Variants in NFATC2 observed in about 807,000 individuals in gnomAD.
The protein encoded by NFATC2 is nuclear factor of activated T cells 2.
Under a neutral mutation model 87.3 loss-of-function variants are expected in NFATC2, and 22 were observed. The observed-to-expected ratio is 0.25, with a 90% CI of 0.18 to 0.36. The LOEUF is 0.36. Among genes scored for constraint, NFATC2 ranks in the 10% least tolerant of loss-of-function variants. The pLI is 1.00. For missense variants in NFATC2, 1,149 were observed against 1,259.1 expected (o/e 0.91, Z 1.32); for synonymous variants, 565 against 542.2 (o/e 1.04, Z -0.58).
chr20:51,533,379 A>C (rs2076667955), intron 1 of NFATC2, among the ~76,000 whole-genome samples: 1 of 152,236 alleles, frequency 6.6e-6, no homozygotes, highest in Non-Finnish European at 1.5e-5. Flanking sequence ...CCAGTCACAC[A>C]CATACACCAC....
chr20:51,523,873 T>G lies in NFATC2; in HGVS notation c.368A>C (p.Gln123Pro), dbSNP rs773039948. The change falls in exon 2 of 11, where the codon CAG becomes CCG. Residue 123 changes from glutamine (Q) to proline (P), a missense_variant. Physicochemically the swap from Gln to Pro is moderately conservative, Grantham distance 76. This residue lies in a region of NFATC2 where 563 missense variants were observed against 585.2 expected (regional missense o/e 0.96). Transcript: ENST00000371564. This position sits in a 1 kb window ranked among gnomAD's most constrained non-coding sequence, Gnocchi z 6.9. ...TCTCATGCGGAGGGGCCCCACTGCC[T>G]GGATCAGTTCGTGGGACGGAGTGAT... ...IEITPSHELI[Q>P]AVGPLRMRDA... 1 of 1,609,154 alleles carries G rather than the reference T, an allele frequency of 6.2e-7. No individual in the cohort carries two copies. The highest frequency in any genetic ancestry group is 1.1e-5 in the South Asian group (1 of 90,686).
chr20:51,393,932 C>T (rs1407122948), intron 10 of NFATC2, among the ~76,000 whole-genome samples: 1 of 152,140 alleles, frequency 6.6e-6, no homozygotes, highest in East Asian at 1.9e-4. Context: ...ACTTTTCAAA[C>T]AGGCAGAAGC....
intron 3 of NFATC2, among the ~76,000 whole-genome samples, chr20:51,482,166 C>T (rs1989315509): frequency 6.6e-6 from 1 of 151,904 alleles, no homozygotes; most frequent in African/African-American, 2.4e-5. Context: ...CAGGCAAATC[C>T]ACCCCACCAG....
chr20:51,553,349 G>T (rs1487200284), intron 1 of NFATC2, among the ~76,000 whole-genome samples: 1 of 152,100 alleles, frequency 6.6e-6, no homozygotes, highest in East Asian at 1.9e-4. Flanking sequence ...TTTCTAGCAC[G>T]TTCCCCTCTG....
In NFATC2 at chr20:51,479,844, C is replaced by T. The variant is rs191359027; in HGVS notation, c.1333-4184G>A. Among the ~76,000 whole-genome samples, 216 of 152,320 alleles carry T rather than the reference C, an allele frequency of 1.4e-3. 2 individuals carry two copies. Among genetic ancestry groups the T allele is most frequent in the South Asian group, 9.5e-3 (46 of 4,828 alleles). Reference sequence around the variant, plus strand: ...GCAGAGCCAGGCTCCAAACTCCAGCCTCTCAGGCTCCGAACCCACCCGCTT... The same window carrying T: ...GCAGAGCCAGGCTCCAAACTCCAGCTTCTCAGGCTCCGAACCCACCCGCTT... On this transcript the variant is annotated intron_variant, in intron 3 of 10. Transcript: ENST00000371564.
chr20:51,441,747 AT>A (rs1984380002), intron 6 of NFATC2, among the ~76,000 whole-genome samples: 1 of 151,850 alleles, frequency 6.6e-6, no homozygotes, highest in Admixed American at 6.6e-5. Flanking sequence ...TAAAGTTAAT[AT>A]TACTGAACTT....
chr20:51,525,919 A>T (rs929145040), intron 1 of NFATC2, among the ~76,000 whole-genome samples: 1 of 101,030 alleles, frequency 9.9e-6, no homozygotes, highest in Non-Finnish European at 2.0e-5. Flanking sequence ...CCGGCCTGCC[A>T]CCCACCCCCA....
chr20:51,408,846 G>C (rs1257655823), intron 9 of NFATC2, among the ~76,000 whole-genome samples: 2 of 152,184 alleles, frequency 1.3e-5, no homozygotes, highest in Non-Finnish European at 2.9e-5. Flanking sequence ...GCTTGTAAAA[G>C]CACAGACTGT....
intron 9 of NFATC2, among the ~76,000 whole-genome samples, chr20:51,427,331 G>T (rs1981987449): frequency 6.6e-6 from 1 of 152,130 alleles, no homozygotes; most frequent in Admixed American, 6.5e-5. Flanking sequence ...TCTCCCGCTT[G>T]CTTGCGTCCT....
At chr20:51,491,579 A>C (rs2075884828) in intron 3 of NFATC2, among the ~76,000 whole-genome samples, 1 of 152,158 alleles carries the variant, frequency 6.6e-6, no homozygotes, top group African/African-American at 2.4e-5. Context: ...TGGGAGGAGA[A>C]GTGCAGCGGC....
chr20:51,471,122 CA>C (rs1300815916), intron 5 of NFATC2, among the ~76,000 whole-genome samples: 9 of 152,324 alleles, frequency 5.9e-5, no homozygotes, highest in South Asian at 2.1e-4. Context: ...AGCTTTCTAA[CA>C]CCCTGAAGAT....
chr20:51,551,568 A>ATTTTT (rs528455167), intron 1 of NFATC2, among the ~76,000 whole-genome samples: 1 of 103,736 alleles, frequency 9.6e-6, no homozygotes, highest in Admixed American at 1.0e-4. Flanking sequence ...ATGCCCTGCT[A>ATTTTT]TTTTTTTTTT....
At chr20:51,417,561 AC>A (rs1036830994) in intron 9 of NFATC2, among the ~76,000 whole-genome samples, 3 of 152,106 alleles carry the variant, frequency 2.0e-5, no homozygotes, top group Non-Finnish European at 2.9e-5. Context: ...GGTCCTGACC[AC>A]CCCGTTTGAA....
At chr20:51,499,094 G>A (rs2076038164) in intron 3 of NFATC2, among the ~76,000 whole-genome samples, 1 of 152,168 alleles carries the variant, frequency 6.6e-6, no homozygotes, top group Non-Finnish European at 1.5e-5. Flanking sequence ...GGTCCACGGT[G>A]AGGAGCACAA....
Position 51,523,541 on chromosome 20 carries a change from G to C in NFATC2, c.700C>G (p.Arg234Gly), listed in dbSNP as rs1047941478. The C allele has an allele frequency of 3.7e-6, 6 of 1,613,590 alleles. No homozygotes were observed. Among genetic ancestry groups the C allele is most frequent in the Non-Finnish European group, 5.1e-6 (6 of 1,179,728 alleles). ...GCCGGACGGGGCACGGGCGAGTGGC[G>C]GCCCAGGCAGCTGTCCTCGGCGAGG... ...TSLAEDSCLG[R>G]HSPVPRPASR... Residue 234 changes from arginine to glycine, a missense_variant, in exon 2 of 11, where the codon CGC (arginine) becomes GGC (glycine). Coordinates refer to ENST00000371564, the MANE Select transcript of NFATC2 (RefSeq NM_012340.5). The surrounding 1 kb of genome is among the most constrained non-coding windows in gnomAD (Gnocchi z 6.9).
rs1341877212 is a variant in NFATC2 at position 51,480,264 on chromosome 20, G to C, written c.1333-4604C>G. On this transcript the variant is annotated intron_variant, in intron 3 of 10. Transcript: ENST00000371564. This position sits in a 1 kb window ranked among gnomAD's most constrained non-coding sequence, Gnocchi z 4.2. ...TATTGCACCACTGCACTCCCGCCTGGGTCACAAAGCAAGACTCTGTCTCAA... is the reference window on the plus strand; with the variant it reads ...TATTGCACCACTGCACTCCCGCCTGCGTCACAAAGCAAGACTCTGTCTCAA... Among the ~76,000 whole-genome samples the C allele has an allele frequency of 6.6e-6, 1 of 150,964 alleles. No homozygotes were observed. Among genetic ancestry groups the C allele is most frequent in the Admixed American group, 6.6e-5 (1 of 15,194 alleles).
chr20:51,483,193 C>A (rs890186091), intron 3 of NFATC2, among the ~76,000 whole-genome samples: 3 of 151,996 alleles, frequency 2.0e-5, no homozygotes, highest in Non-Finnish European at 4.4e-5. Flanking sequence ...TTGCAAGTGG[C>A]ACGTCTCTGA....
intron 3 of NFATC2, among the ~76,000 whole-genome samples, chr20:51,500,171 T>C (rs2076054730): frequency 6.6e-6 from 1 of 152,096 alleles, no homozygotes; most frequent in Non-Finnish European, 1.5e-5. Context: ...CTCAATAAAA[T>C]GATAACCAGA....
chr20:51,491,070 G>T (rs1286588734), intron 3 of NFATC2, among the ~76,000 whole-genome samples: 5 of 152,156 alleles, frequency 3.3e-5, no homozygotes. Flanking sequence ...GGTCTGCTAA[G>T]GACTCTTTAC....
Sources: gnomAD v4.1 joint callset for allele counts (sites outside exome capture counted in the v4.1 genomes callset) on GRCh38, gnomAD v4.1.1 for gene constraint, gnomAD v4.1.1 regional missense constraint, Gnocchi (gnomAD v3.1) non-coding constraint, MANE v1.5 for transcripts, NCBI Gene and HGNC (gene_info 2026-07-23, HGNC 2026-07-21) for gene names.